Variants in CTNND2 observed in about 807,000 individuals in gnomAD.
CTNND2 encodes catenin delta-2.
A neutral mutation model predicts 144.4 loss-of-function variants in CTNND2; 22 were observed. The observed-to-expected ratio is 0.15, with a 90% CI of 0.11 to 0.22. The LOEUF (loss-of-function observed/expected upper bound fraction) is 0.22. Among genes scored for constraint, CTNND2 ranks in the 10% least tolerant of loss-of-function variants. The pLI is 1.00. For missense variants in CTNND2, 1,353 were observed against 1,618.8 expected (o/e 0.84, Z 2.82); for synonymous variants, 751 against 695.6 (o/e 1.08, Z -1.25).
At chr5:11,871,309 G>A (rs562622301) in intron 1 of CTNND2, among the ~76,000 whole-genome samples, 1 of 152,312 alleles carries the variant, frequency 6.6e-6, no homozygotes, top group African/African-American at 2.4e-5. Flanking sequence ...GTCTGTAGAT[G>A]ATACCACATA....
At chr5:11,549,376 C>T (rs1374886805) in intron 3 of CTNND2, among the ~76,000 whole-genome samples, 1 of 152,140 alleles carries the variant, frequency 6.6e-6, no homozygotes, top group African/African-American at 2.4e-5. Context: ...AGATTTCACC[C>T]TCTTTCCCAT....
intron 12 of CTNND2, among the ~76,000 whole-genome samples, chr5:11,127,015 C>A (rs566843701): frequency 6.6e-6 from 1 of 152,352 alleles, no homozygotes; most frequent in South Asian, 2.1e-4. Flanking sequence ...ACAGCCTGTG[C>A]AAATACCATC....
chr5:11,397,062 T>C lies in CTNND2; in HGVS notation c.581A>G (p.Gln194Arg). The C allele has an allele frequency of 1.2e-6, 2 of 1,613,846 alleles. No individual in the cohort carries two copies. Among genetic ancestry groups the C allele is most frequent in the Non-Finnish European group, 8.5e-7 (1 of 1,180,000 alleles). The change falls in exon 6 of 22, where the codon CAA becomes CGA. Residue 194 changes from glutamine (Q) to arginine (R), a missense_variant. Coordinates refer to ENST00000304623, the MANE Select transcript of CTNND2 (RefSeq NM_001332.4). ...GAAGCTCTGGCCCGTAGCTCGGGCT[T>C]GTGTGCCTCGGGCCGGGAGCTGTGA... ...TPSQLPARGT[Q>R]ARATGQSFSQ...
intron 9 of CTNND2, among the ~76,000 whole-genome samples, chr5:11,301,696 G>C (rs1006381927): frequency 7.2e-5 from 11 of 152,140 alleles, no homozygotes; most frequent in African/African-American, 2.7e-4. Context: ...AGCAGACAGG[G>C]AATGGGTGAA....
At chr5:11,495,262 A>C (rs1384914666) in intron 3 of CTNND2, among the ~76,000 whole-genome samples, 2 of 152,218 alleles carry the variant, frequency 1.3e-5, no homozygotes, top group Non-Finnish European at 2.9e-5. Context: ...AATATGTGGA[A>C]TGAATAGAAA....
In CTNND2 at chr5:10,988,624, C is replaced by T. The variant is rs4702780; in HGVS notation, c.3212-382G>A. ...TTCTCTTTTCCTTCCCTTTCCTTCCCGTGCTCCCTTCCTTAATTAGATGTG... is the reference window on the plus strand; with the variant it reads ...TTCTCTTTTCCTTCCCTTTCCTTCCTGTGCTCCCTTCCTTAATTAGATGTG... On this transcript the variant is annotated intron_variant, in intron 19 of 21. Transcript: ENST00000304623. The surrounding 1 kb of genome is among the most constrained non-coding windows in gnomAD (Gnocchi z 5.9). Among the ~76,000 whole-genome samples, 18,489 of 152,146 alleles carry T rather than the reference C, an allele frequency of 0.12. 1,207 individuals carry two copies. Among genetic ancestry groups the T allele is most frequent in the East Asian group, 0.16 (843 of 5,176 alleles).
At chr5:11,131,403 A>T (rs1230949208) in intron 12 of CTNND2, among the ~76,000 whole-genome samples, 1 of 152,184 alleles carries the variant, frequency 6.6e-6, no homozygotes, top group East Asian at 1.9e-4. Context: ...TTTATAGATT[A>T]TTGGCTACCT....
chr5:11,135,029 G>A (rs1465460162), intron 12 of CTNND2, among the ~76,000 whole-genome samples: 1 of 152,146 alleles, frequency 6.6e-6, no homozygotes, highest in Non-Finnish European at 1.5e-5. Flanking sequence ...TGCAATCAAA[G>A]GACTTTTAAT....
intron 2 of CTNND2, among the ~76,000 whole-genome samples, chr5:11,603,985 T>C (rs369972691): frequency 6.6e-6 from 1 of 152,224 alleles, no homozygotes; most frequent in Non-Finnish European, 1.5e-5. Flanking sequence ...ATCATTGCCT[T>C]ACAGATTGAA....
At chr5:11,901,568 A>T (rs1476852211) in intron 1 of CTNND2, among the ~76,000 whole-genome samples, 3 of 152,230 alleles carry the variant, frequency 2.0e-5, no homozygotes, top group Non-Finnish European at 4.4e-5. Flanking sequence ...ATTACGAACA[A>T]TGAAAACATT....
At chr5:11,774,308 A>C (rs985027539) in intron 1 of CTNND2, among the ~76,000 whole-genome samples, 1 of 148,840 alleles carries the variant, frequency 6.7e-6, no homozygotes, top group African/African-American at 2.5e-5. Context: ...TTATGGCTGC[A>C]TAGTATTCCA....
At chr5:11,590,535 T>C (rs928491297) in intron 2 of CTNND2, among the ~76,000 whole-genome samples, 1 of 152,076 alleles carries the variant, frequency 6.6e-6, no homozygotes, top group Non-Finnish European at 1.5e-5. Flanking sequence ...GATAATGTAC[T>C]TTGTGATATT....
At chr5:11,237,071 G>A (rs1388200506) in intron 9 of CTNND2, among the ~76,000 whole-genome samples, 3 of 150,320 alleles carry the variant, frequency 2.0e-5, no homozygotes, top group African/African-American at 7.4e-5. Context: ...CCAGGCTGGA[G>A]TGCAGTGGAG....
At chr5:11,391,575 T>G (rs1413990411) in intron 6 of CTNND2, among the ~76,000 whole-genome samples, 1 of 152,228 alleles carries the variant, frequency 6.6e-6, no homozygotes, top group Non-Finnish European at 1.5e-5. Flanking sequence ...GAAAGTTTTC[T>G]TTTCAAATCG....
At chr5:11,875,420 A>T (rs1034775784) in intron 1 of CTNND2, among the ~76,000 whole-genome samples, 1 of 152,224 alleles carries the variant, frequency 6.6e-6, no homozygotes, top group Non-Finnish European at 1.5e-5. Flanking sequence ...AGCATTTTAC[A>T]CATTTGGGAT....
chr5:11,129,641 C>A (rs58736669), intron 12 of CTNND2, among the ~76,000 whole-genome samples: 1 of 151,810 alleles, frequency 6.6e-6, no homozygotes, highest in Non-Finnish European at 1.5e-5. Flanking sequence ...CCAGAAAAGT[C>A]CCCTGAAAAC....
At chr5:11,212,208 A>G (rs1243137025) in intron 10 of CTNND2, among the ~76,000 whole-genome samples, 1 of 152,212 alleles carries the variant, frequency 6.6e-6, no homozygotes, top group African/African-American at 2.4e-5. Flanking sequence ...ATATTTATTA[A>G]GCATTGGTCC....
chr5:11,323,595 C>T (rs1752259546), intron 9 of CTNND2, among the ~76,000 whole-genome samples: 1 of 152,210 alleles, frequency 6.6e-6, no homozygotes, highest in Non-Finnish European at 1.5e-5. Flanking sequence ...ATCCTGGGAG[C>T]AGAACAGATT....
chr5:11,846,695 T>C (rs1794752763), intron 1 of CTNND2, among the ~76,000 whole-genome samples: 1 of 152,074 alleles, frequency 6.6e-6, no homozygotes, highest in South Asian at 2.1e-4. Context: ...AATATGCATC[T>C]GACAAGGGGC....
Sources: gnomAD v4.1 joint callset for allele counts (sites outside exome capture counted in the v4.1 genomes callset) on GRCh38, gnomAD v4.1.1 for gene constraint, Gnocchi (gnomAD v3.1) non-coding constraint, MANE v1.5 for transcripts, NCBI Gene and HGNC (gene_info 2026-07-23, HGNC 2026-07-21) for gene names.